UBTD1: variants seen among roughly 807,000 people sequenced by gnomAD.
UBTD1 encodes the protein ubiquitin domain containing 1.
In UBTD1, 19 loss-of-function variants were observed where a neutral mutation model predicts 21.7. The ratio of observed to expected loss-of-function variants is 0.87; its 90% CI spans 0.61 to 1.28. The LOEUF is 1.28. Ranked by LOEUF, UBTD1 falls within the 50% of genes most tolerant of loss-of-function variation. The probability of loss-of-function intolerance (pLI) is 0.00; values close to 1 mark genes in which losing one functional copy is unlikely to be tolerated. For missense variants in UBTD1, 282 were observed against 315.1 expected, an observed-to-expected ratio of 0.89 and a Z score of 0.80; for synonymous variants, 116 against 135.1, an observed-to-expected ratio of 0.86 and a Z score of 0.98.
At chr10:97,528,201 G>A (rs1423473789) in intron 1 of UBTD1, among the ~76,000 whole-genome samples, 6 of 87,886 alleles carry the variant, frequency 6.8e-5, no homozygotes, top group African/African-American at 1.9e-4. Context: ...CCTCCTGGAC[G>A]GGGCGGCTGG....
chr10:97,514,809 A>G (rs1326611158), intron 1 of UBTD1, among the ~76,000 whole-genome samples: 1 of 152,188 alleles, frequency 6.6e-6, no homozygotes, highest in African/African-American at 2.4e-5. Flanking sequence ...GTAGCTTGAT[A>G]TGTACAACCA....
intron 1 of UBTD1, among the ~76,000 whole-genome samples, chr10:97,558,344 G>C (rs1412354605): frequency 6.6e-6 from 1 of 152,194 alleles, no homozygotes; most frequent in East Asian, 1.9e-4. Flanking sequence ...GCATTCGTTA[G>C]CTAATGATGT....
intron 1 of UBTD1, among the ~76,000 whole-genome samples, chr10:97,554,364 C>T (rs772284703): frequency 6.6e-6 from 1 of 150,844 alleles, no homozygotes; most frequent in Admixed American, 6.6e-5. Context: ...TCTCCTGCCT[C>T]ACCTCCATAA....
intron 1 of UBTD1, among the ~76,000 whole-genome samples, chr10:97,549,365 C>T (rs1209413004): frequency 6.6e-6 from 1 of 152,244 alleles, no homozygotes; most frequent in African/African-American, 2.4e-5. Flanking sequence ...GCTCTGTCTA[C>T]TCTCCCATCT....
chr10:97,518,229 A>G (rs114974061), intron 1 of UBTD1, among the ~76,000 whole-genome samples: 3,492 of 152,286 alleles, frequency 0.023, 108 homozygotes, highest in East Asian at 0.073. Flanking sequence ...TGGGGGAAGC[A>G]GATGGGGGTT....
intron 1 of UBTD1, among the ~76,000 whole-genome samples, chr10:97,525,739 G>A (rs1342342869): frequency 3.9e-5 from 6 of 152,190 alleles, no homozygotes; most frequent in Non-Finnish European, 8.8e-5. Flanking sequence ...ACTCTAGATG[G>A]CCTTGTGCAT....
chr10:97,528,261 G>A (rs1343015783), intron 1 of UBTD1, among the ~76,000 whole-genome samples: 10 of 122,044 alleles, frequency 8.2e-5, no homozygotes, highest in South Asian at 2.9e-4. Flanking sequence ...GGGCAGAGGC[G>A]CCCCTCACCT....
At chr10:97,521,448 C>T (rs1376586026) in intron 1 of UBTD1, among the ~76,000 whole-genome samples, 2 of 152,220 alleles carry the variant, frequency 1.3e-5, no homozygotes, top group African/African-American at 4.8e-5. Context: ...TCTGAGAGCC[C>T]AGCCTCCAGG....
intron 1 of UBTD1, among the ~76,000 whole-genome samples, chr10:97,503,794 C>T (rs1685291865): frequency 6.6e-6 from 1 of 152,192 alleles, no homozygotes; most frequent in African/African-American, 2.4e-5. Context: ...ACAGTAAACA[C>T]ATAGTCATGC....
intron 1 of UBTD1, among the ~76,000 whole-genome samples, chr10:97,514,856 C>T (rs190816459): frequency 2.5e-4 from 38 of 152,206 alleles, no homozygotes; most frequent in Middle Eastern, 6.8e-3. Context: ...GAGAGAATGG[C>T]CCCCCAAAGG....
At chr10:97,559,011 C>T (rs1041531312) in intron 1 of UBTD1, among the ~76,000 whole-genome samples, 6 of 152,144 alleles carry the variant, frequency 3.9e-5, no homozygotes, top group Non-Finnish European at 5.9e-5. Context: ...CGCATCCGCT[C>T]GGGGATGAAC....
chr10:97,499,507 C>T (rs1232534308), intron 1 of UBTD1, among the ~76,000 whole-genome samples: 2 of 152,222 alleles, frequency 1.3e-5, no homozygotes, highest in Non-Finnish European at 2.9e-5. Flanking sequence ...AACTGGGTAG[C>T]TCCTGGTGGG....
At chr10:97,539,603 AAAAAG>A (rs2040578567) in intron 1 of UBTD1, among the ~76,000 whole-genome samples, 1 of 152,158 alleles carries the variant, frequency 6.6e-6, no homozygotes, top group Admixed American at 6.5e-5. Context: ...TCAAAAAAAA[AAAAAG>A]AAGTTTTGCT....
At chr10:97,526,829 T>A (rs1301708951) in intron 1 of UBTD1, among the ~76,000 whole-genome samples, 11 of 127,990 alleles carry the variant, frequency 8.6e-5, no homozygotes, top group African/African-American at 3.3e-4. Flanking sequence ...CACTCCAGCC[T>A]GGGTGACAGA....
At chr10:97,558,429 T>G (rs1057482165) in intron 1 of UBTD1, among the ~76,000 whole-genome samples, 1 of 152,214 alleles carries the variant, frequency 6.6e-6, no homozygotes, top group African/African-American at 2.4e-5. Flanking sequence ...TATCTGCTTC[T>G]TGTGCTAACA....
chr10:97,554,709 C>T (rs553525863), intron 1 of UBTD1, among the ~76,000 whole-genome samples: 3 of 152,186 alleles, frequency 2.0e-5, no homozygotes, highest in Admixed American at 2.0e-4. Flanking sequence ...TGCCACCACA[C>T]CTGGCTAATT....
intron 1 of UBTD1, among the ~76,000 whole-genome samples, chr10:97,537,986 T>A (rs1362049787): frequency 6.6e-6 from 1 of 151,914 alleles, no homozygotes; most frequent in Non-Finnish European, 1.5e-5. Flanking sequence ...CCACCACACC[T>A]GGCTAATTTT....
At chr10:97,558,082 C>T (rs1053184901) in intron 1 of UBTD1, among the ~76,000 whole-genome samples, 3 of 152,000 alleles carry the variant, frequency 2.0e-5, no homozygotes, top group Non-Finnish European at 4.4e-5. Flanking sequence ...CAGGGCTTGT[C>T]GTCTTCTTCA....
At chr10:97,550,554 G>A (rs1473717332) in intron 1 of UBTD1, among the ~76,000 whole-genome samples, 1 of 152,254 alleles carries the variant, frequency 6.6e-6, no homozygotes, top group African/African-American at 2.4e-5. Flanking sequence ...TGCTCACGGC[G>A]CCTCGGTCAG....
Sources: allele counts gnomAD v4.1 joint callset (sites outside exome capture counted in the v4.1 genomes callset), GRCh38; gene constraint gnomAD v4.1.1; transcripts MANE v1.5; gene names NCBI Gene and HGNC (gene_info 2026-07-23, HGNC 2026-07-21).